The following PCCA variants were observed in gnomAD, a reference collection of about 807,000 sequenced individuals.
PCCA encodes propionyl-CoA carboxylase alpha chain, mitochondrial.
A neutral mutation model predicts 101.3 loss-of-function variants in PCCA; 74 were observed. The observed-to-expected ratio is 0.73, with a 90% CI of 0.61 to 0.89. The LOEUF (loss-of-function observed/expected upper bound fraction) is 0.89. PCCA is among the 40% of genes least tolerant of loss of function. The probability of loss-of-function intolerance (pLI) is 0.00; values close to 1 mark genes in which losing one functional copy is unlikely to be tolerated. For missense variants in PCCA, 891 were observed against 907.0 expected, an observed-to-expected ratio of 0.98 and a Z score of 0.23; for synonymous variants, 294 against 313.6, an observed-to-expected ratio of 0.94 and a Z score of 0.66.
intron 9 of PCCA, among the ~76,000 whole-genome samples, chr13:100,258,525 A>C (rs1232625250): frequency 6.6e-6 from 1 of 152,216 alleles, no homozygotes; most frequent in African/African-American, 2.4e-5. Flanking sequence ...CACAGTACTT[A>C]CATAGCAATT....
chr13:100,097,685 C>T (rs1309640493), intron 1 of PCCA, among the ~76,000 whole-genome samples: 4 of 152,196 alleles, frequency 2.6e-5, no homozygotes, highest in African/African-American at 7.2e-5. Context: ...CACCACTGCA[C>T]TCCAGCCTGG....
intron 21 of PCCA, among the ~76,000 whole-genome samples, chr13:100,465,957 T>C (rs1282832907): frequency 6.6e-6 from 1 of 152,250 alleles, no homozygotes; most frequent in Non-Finnish European, 1.5e-5. Context: ...TTTCTTTATC[T>C]TCCTCATATT....
intron 6 of PCCA, among the ~76,000 whole-genome samples, chr13:100,172,471 A>C (rs2152417159): frequency 6.6e-6 from 1 of 152,206 alleles, no homozygotes; most frequent in Non-Finnish European, 1.5e-5. Flanking sequence ...GTTAATGATA[A>C]ATTTGTTTCT....
chr13:100,336,004 T>G (rs2070390818), intron 17 of PCCA, among the ~76,000 whole-genome samples: 1 of 152,172 alleles, frequency 6.6e-6, no homozygotes, highest in African/African-American at 2.4e-5. Flanking sequence ...GGCTCATGCC[T>G]GTAATCCCAG....
At chr13:100,448,776 A>G (rs565601859) in intron 20 of PCCA, among the ~76,000 whole-genome samples, 1 of 152,346 alleles carries the variant, frequency 6.6e-6, no homozygotes, top group South Asian at 2.1e-4. Flanking sequence ...TTCATTTTCT[A>G]TAACTATTTT....
At chr13:100,527,308 T>G (rs1310431049) in intron 22 of PCCA, 1 of 475,642 alleles carries the variant, frequency 2.1e-6, no homozygotes, top group Non-Finnish European at 4.3e-6. Flanking sequence ...CAACCTCGAG[T>G]CTGTCTGTAG....
intron 4 of PCCA, among the ~76,000 whole-genome samples, chr13:100,117,492 A>C (rs1444812449): frequency 6.6e-6 from 1 of 151,836 alleles, no homozygotes; most frequent in East Asian, 1.9e-4. Context: ...ATGAAGCTGG[A>C]AACCATCATT....
chr13:100,204,941 A>T (rs116037425), intron 6 of PCCA, among the ~76,000 whole-genome samples: 1 of 152,140 alleles, frequency 6.6e-6, no homozygotes, highest in African/African-American at 2.4e-5. Flanking sequence ...CTACAGGCAC[A>T]CTTGGCTCAT....
At chr13:100,388,141 C>T (rs922296109) in intron 19 of PCCA, among the ~76,000 whole-genome samples, 6 of 152,236 alleles carry the variant, frequency 3.9e-5, no homozygotes, top group Middle Eastern at 3.4e-3. Flanking sequence ...GAGCCTATTA[C>T]GGGTGCTAGT....
chr13:100,268,831 C>A, intron 11 of PCCA, 48 bp downstream of exon 11: 1 of 820,872 alleles, frequency 1.2e-6, no homozygotes. Flanking sequence ...TTATGCATTT[C>A]ATTCATTCAT....
chr13:100,253,246 C>T (rs987817314), intron 8 of PCCA, among the ~76,000 whole-genome samples: 5 of 152,144 alleles, frequency 3.3e-5, no homozygotes, highest in Non-Finnish European at 7.4e-5. Flanking sequence ...AGCTCAGCCT[C>T]CCAAGTAGCC....
chr13:100,204,408 GAGATTACAGGCGTGACCCACTGTGCCC>G (rs2058730542), intron 6 of PCCA, among the ~76,000 whole-genome samples: 1 of 152,206 alleles, frequency 6.6e-6, no homozygotes, highest in Non-Finnish European at 1.5e-5. Context: ...CCAAAGTGCT[GAGATTACAGGCGTGACCCACTGTGCCC>G]AGCCCCATGG....
chr13:100,501,903 A>ATAAATAAATAAT (rs55984837), intron 21 of PCCA, among the ~76,000 whole-genome samples: 58 of 150,712 alleles, frequency 3.8e-4, no homozygotes, highest in Admixed American at 3.5e-3. Context: ...AAATAAATAA[A>ATAAATAAATAAT]ATGCACCCAA....
At chr13:100,090,990 A>G (rs527942939) in intron 1 of PCCA, among the ~76,000 whole-genome samples, 15 of 21,754 alleles carry the variant, frequency 6.9e-4, no homozygotes, top group African/African-American at 4.8e-3. Flanking sequence ...TTTCTAACAA[A>G]CAGAGATGAA....
chr13:100,313,854 A>G (rs2067124371), intron 16 of PCCA, among the ~76,000 whole-genome samples: 1 of 152,130 alleles, frequency 6.6e-6, no homozygotes, highest in South Asian at 2.1e-4. Flanking sequence ...GCACAATACC[A>G]TCATTACACC....
chr13:100,279,476 A>G (rs2063915175), intron 12 of PCCA, among the ~76,000 whole-genome samples: 1 of 151,984 alleles, frequency 6.6e-6, no homozygotes, highest in African/African-American at 2.4e-5. Flanking sequence ...TGTTTAAACA[A>G]TCCAATTTGT....
chr13:100,148,306 C>G (rs2052834806), intron 4 of PCCA, among the ~76,000 whole-genome samples: 2 of 152,110 alleles, frequency 1.3e-5, no homozygotes, highest in Non-Finnish European at 2.9e-5. Flanking sequence ...GGCATTTGTT[C>G]AAGTTTTTCC....
At chr13:100,522,325 T>G (rs1594130765) in intron 22 of PCCA, among the ~76,000 whole-genome samples, 1 of 152,232 alleles carries the variant, frequency 6.6e-6, no homozygotes, top group Non-Finnish European at 1.5e-5. Context: ...TTTCAAAACC[T>G]GTGTTTCTCT....
At chr13:100,447,499 C>T (rs1236875316) in intron 20 of PCCA, among the ~76,000 whole-genome samples, 6 of 152,008 alleles carry the variant, frequency 3.9e-5, no homozygotes, top group African/African-American at 1.2e-4. Flanking sequence ...TGGTGAAACC[C>T]CGTCTCTACT....
Sources: gnomAD v4.1 joint callset for allele counts (sites outside exome capture counted in the v4.1 genomes callset) on GRCh38, gnomAD v4.1.1 for gene constraint, MANE v1.5 for transcripts, NCBI Gene and HGNC (gene_info 2026-07-23, HGNC 2026-07-21) for gene names.